VEGFC: variants seen among roughly 807,000 people sequenced by gnomAD.
VEGFC encodes FLT4 ligand DHM.
In VEGFC, 12 loss-of-function variants were observed where a neutral mutation model predicts 46.1. The observed-to-expected ratio is 0.26, with a 90% confidence interval of 0.17 to 0.42. The LOEUF is 0.42. VEGFC is among the 10% of genes least tolerant of loss of function. The pLI, the probability that VEGFC is intolerant of heterozygous loss-of-function variation, is 1.00. For missense variants in VEGFC, 488 were observed against 529.4 expected (o/e 0.92, Z 0.77); for synonymous variants, 232 against 195.5 (o/e 1.19, Z -1.56).
chr4:176,701,485 G>A (rs1381238978), intron 4 of VEGFC, among the ~76,000 whole-genome samples: 1 of 152,144 alleles, frequency 6.6e-6, no homozygotes, highest in African/African-American at 2.4e-5. Context: ...CTATCAGCAA[G>A]CCATAGGAAC....
rs1476326780 is a variant in VEGFC, at chr4:176,703,782, C to T, written c.704+7717G>A. Among the ~76,000 whole-genome samples, 8 of 152,132 alleles carry T rather than the reference C, an allele frequency of 5.3e-5. No individual in the cohort carries two copies. In the East Asian group the frequency reaches 1.4e-3, roughly 26 times the overall value. ...TATCAACTAAAAAACAATAAAAATG[C>T]AGTCATAGCCACACCTCAAAAGAAA... On this transcript the variant is annotated intron_variant, in intron 4 of 6. Transcript: ENST00000618562.
At chr4:176,757,674 C>A (rs1462940473) in intron 1 of VEGFC, among the ~76,000 whole-genome samples, 1 of 151,234 alleles carries the variant, frequency 6.6e-6, no homozygotes, top group African/African-American at 2.4e-5. Context: ...CTTTTAAATT[C>A]TCTTTCTTCT....
chr4:176,782,164 C>T (rs1735927954), intron 1 of VEGFC, among the ~76,000 whole-genome samples: 1 of 152,294 alleles, frequency 6.6e-6, no homozygotes, highest in South Asian at 2.1e-4. Flanking sequence ...AAGCAAAGCA[C>T]TTGTAAGAGA....
chr4:176,685,899 C>T (rs924656772), intron 6 of VEGFC, among the ~76,000 whole-genome samples: 1 of 152,006 alleles, frequency 6.6e-6, no homozygotes, highest in Admixed American at 6.5e-5. Flanking sequence ...TTTAGGAAAA[C>T]CACCAAAAAT....
chr4:176,688,624 C>G (rs1319065290), intron 4 of VEGFC, among the ~76,000 whole-genome samples: 1 of 151,802 alleles, frequency 6.6e-6, no homozygotes, highest in Non-Finnish European at 1.5e-5. Context: ...CCTTCCCCTC[C>G]TTTCCCCTTT....
chr4:176,740,998 A>T (rs868620052), intron 1 of VEGFC, among the ~76,000 whole-genome samples: 34 of 152,102 alleles, frequency 2.2e-4, no homozygotes, highest in South Asian at 1.0e-3. Flanking sequence ...AGAGGAATAT[A>T]AAGTATCTTT....
intron 4 of VEGFC, among the ~76,000 whole-genome samples, chr4:176,695,227 G>C (rs1465697687): frequency 6.6e-6 from 1 of 151,812 alleles, no homozygotes; most frequent in Non-Finnish European, 1.5e-5. Flanking sequence ...TTGATAGACT[G>C]CTAGCAAGAC....
At chr4:176,782,429 A>G (rs1735932658) in intron 1 of VEGFC, among the ~76,000 whole-genome samples, 1 of 152,020 alleles carries the variant, frequency 6.6e-6, no homozygotes, top group African/African-American at 2.4e-5. Flanking sequence ...ATGCCACTGC[A>G]CTGCAGCCTG....
chr4:176,790,953 T>C (rs1196938382), intron 1 of VEGFC, among the ~76,000 whole-genome samples: 14 of 152,216 alleles, frequency 9.2e-5, no homozygotes, highest in Admixed American at 9.2e-4. Context: ...GAGGCATTCC[T>C]TTAACCCCTA....
At position 176,683,994 on chromosome 4, in the gene VEGFC, C is replaced by T. The variant is rs767565763; in HGVS notation, c.1192G>A (p.Gly398Arg). 2.5e-6 allele frequency: 4 copies of T among 1,614,200 alleles called. No individual in the cohort carries two copies. In the Admixed American group the frequency reaches 5.0e-5, roughly 20 times the overall value. ...CACACTTCTTCACTATATGAAAATCCTGGCTCACAAGCCTTCTGGCGGTTC... is the reference window on the plus strand; with the variant it reads ...CACACTTCTTCACTATATGAAAATCTTGGCTCACAAGCCTTCTGGCGGTTC... ...CTNRQKACEP[G>R]FSYSEEVCRC... is the part of the protein sequence containing the mutation. The change falls in exon 7 of 7, where the codon GGA becomes AGA. Residue 398 changes from glycine (G) to arginine (R), a missense_variant. Physicochemically the swap from Gly to Arg is moderately radical, Grantham distance 125. Coordinates refer to ENST00000618562, the MANE Select transcript of VEGFC (RefSeq NM_005429.5).
chr4:176,712,318 C>T (rs2111000020), intron 3 of VEGFC, among the ~76,000 whole-genome samples: 1 of 152,186 alleles, frequency 6.6e-6, no homozygotes, highest in Admixed American at 6.5e-5. Flanking sequence ...TAAAGTAGGG[C>T]ATTTTACACA....
chr4:176,707,713 A>G (rs1305529842), intron 4 of VEGFC, among the ~76,000 whole-genome samples: 1 of 152,160 alleles, frequency 6.6e-6, no homozygotes, highest in Non-Finnish European at 1.5e-5. Flanking sequence ...TTTATTGGCC[A>G]TTACATGAAC....
chr4:176,708,746 A>G (rs1048181747), intron 4 of VEGFC, among the ~76,000 whole-genome samples: 3 of 152,132 alleles, frequency 2.0e-5, no homozygotes, highest in African/African-American at 7.2e-5. Context: ...TGTTTTTCTT[A>G]CTGTAGATAG....
chr4:176,730,662 T>C (rs1734947543), intron 1 of VEGFC, among the ~76,000 whole-genome samples: 1 of 152,060 alleles, frequency 6.6e-6, no homozygotes, highest in African/African-American at 2.4e-5. Context: ...CTGTCAGAAA[T>C]GCAGGTAACT....
chr4:176,693,607 G>T (rs1734250864), intron 4 of VEGFC, among the ~76,000 whole-genome samples: 1 of 146,566 alleles, frequency 6.8e-6, no homozygotes, highest in African/African-American at 2.7e-5. Flanking sequence ...CCAACGTTCA[G>T]ATTCAGGAAA....
At position 176,732,421 on chromosome 4, in the gene VEGFC, A is replaced by G. The variant is rs191930336; in HGVS notation, c.148-2675T>C. Reference sequence around the variant, plus strand: ...TAGCACCTAATTTGTTAAAAGAATGAACTTGAATTTTAATCTGGGGGTCTC... The same window carrying G: ...TAGCACCTAATTTGTTAAAAGAATGGACTTGAATTTTAATCTGGGGGTCTC... On this transcript the variant is annotated intron_variant, in intron 1 of 6. Transcript: ENST00000618562. Among the ~76,000 whole-genome samples the G allele has an allele frequency of 2.2e-3, 327 of 152,044 alleles. 2 individuals are homozygous for G. Among genetic ancestry groups the G allele is most frequent in the African/African-American group, 7.4e-3 (308 of 41,536 alleles).
At chr4:176,780,387 A>AAAAAAAAAAACAAAC (rs56322393) in intron 1 of VEGFC, among the ~76,000 whole-genome samples, 27,590 of 114,628 alleles carry the variant, frequency 0.24, 4,893 homozygotes, top group Middle Eastern at 0.45. Flanking sequence ...ATCTCAAAAA[A>AAAAAAAAAAACAAAC]AAAAAAAAAA....
chr4:176,776,685 G>A (rs1169567327), intron 1 of VEGFC, among the ~76,000 whole-genome samples: 1 of 152,194 alleles, frequency 6.6e-6, no homozygotes, highest in Non-Finnish European at 1.5e-5. Flanking sequence ...CTGACACACA[G>A]TGGACCAAGC....
chr4:176,705,388 G>T (rs140017379), intron 4 of VEGFC, among the ~76,000 whole-genome samples: 1 of 152,112 alleles, frequency 6.6e-6, no homozygotes, highest in South Asian at 2.1e-4. Flanking sequence ...ATGAAAATTG[G>T]TATCTAACTC....
Sources: gnomAD v4.1 joint callset for allele counts (sites outside exome capture counted in the v4.1 genomes callset) on GRCh38, gnomAD v4.1.1 for gene constraint, MANE v1.5 for transcripts, NCBI Gene and HGNC (gene_info 2026-07-23, HGNC 2026-07-21) for gene names.